The following ILF2 variants were observed in gnomAD, a reference collection of about 807,000 sequenced individuals.
The protein encoded by ILF2 is interleukin enhancer-binding factor 2.
In ILF2, 9 loss-of-function variants were observed where a neutral mutation model predicts 55.3. The ratio of observed to expected loss-of-function variants is 0.16; its 90% CI spans 0.10 to 0.28. The LOEUF is 0.28. Among genes scored for constraint, ILF2 ranks in the 10% least tolerant of loss-of-function variants. The pLI is 1.00. For missense variants in ILF2, 266 were observed against 474.9 expected (o/e 0.56, Z 4.09); for synonymous variants, 151 against 161.8 (o/e 0.93, Z 0.50).
chr1:153,665,134 G>C lies in ILF2; in HGVS notation c.577+86C>G. ...TTCCCAGGAAGCTGCATGTGGAATAGCAACAAGCTAAGTAAACTAAACAGC... is the reference window on the plus strand; with the variant it reads ...TTCCCAGGAAGCTGCATGTGGAATACCAACAAGCTAAGTAAACTAAACAGC... On this transcript the variant is annotated intron_variant, in intron 8 of 13. Transcript: ENST00000361891. The C allele has an allele frequency of 4.9e-6, 4 of 813,622 alleles. No homozygotes were observed. In the East Asian group the frequency reaches 9.8e-5, roughly 20 times the overall value. 50.4% of individuals were successfully genotyped at this position (813,622 alleles called of 1,614,324 possible). A position where few individuals can be genotyped will look rare whatever the true frequency, so the allele number is the denominator to read the frequency against.
rs771771108 is a variant in ILF2, at chr1:153,670,244, T to C, written c.6-14A>G. The C allele has an allele frequency of 6.2e-7, 1 of 1,613,258 alleles. No individual in the cohort carries two copies. The highest frequency in any genetic ancestry group is 1.1e-5 in the South Asian group (1 of 91,012). ...CCTCTGTCACCCCTAGAAATGCAGATTTTATTTTGACCTCATTGAAGGAAT... is the reference window on the plus strand; with the variant it reads ...CCTCTGTCACCCCTAGAAATGCAGACTTTATTTTGACCTCATTGAAGGAAT... On this transcript the variant is annotated splice_polypyrimidine_tract_variant and intron_variant, in intron 1 of 13. Transcript: ENST00000361891.
At chr1:153,667,054 G>A (rs1001470536) in intron 6 of ILF2, among the ~76,000 whole-genome samples, 1 of 152,188 alleles carries the variant, frequency 6.6e-6, no homozygotes, top group Non-Finnish European at 1.5e-5. Flanking sequence ...CCCAGGAGGT[G>A]GAGGTTGCAG....
chr1:153,667,756 T>A, intron 5 of ILF2, 99 bp from the exon 6 acceptor site: 1 of 837,686 alleles, frequency 1.2e-6, no homozygotes, highest in South Asian at 1.6e-5. Context: ...TTACCCAAAT[T>A]AAGAAGTAGC....
At position 153,662,634 on chromosome 1, in the gene ILF2, C is replaced by T. The variant is rs1019331585; in HGVS notation, c.1012+71G>A. ...ACTTACACTGTGGAAATATTAAAGA[C>T]ATTTAAGTAGTGTACAGCTTCTCTG... On this transcript the variant is annotated intron_variant, in intron 13 of 13. Coordinates refer to ENST00000361891, the MANE Select transcript of ILF2 (RefSeq NM_004515.4). 15 of 1,569,492 alleles carry T rather than the reference C, an allele frequency of 9.6e-6. No homozygotes were observed. In the African/African-American group the frequency reaches 1.9e-4, roughly 20 times the overall value.
In ILF2 at chr1:153,668,577, C is replaced by G. The variant is rs367871667; in HGVS notation, c.109-20G>C. The G allele has an allele frequency of 1.9e-6, 3 of 1,599,960 alleles. No individual in the cohort carries two copies. Among genetic ancestry groups the G allele is most frequent in the African/African-American group, 2.7e-5 (2 of 74,176 alleles). On this transcript the variant is annotated intron_variant, in intron 3 of 13. Transcript: ENST00000361891. ...TTCACACTAAACCAGAAGTAAACAA[C>G]TACATTCTATTTGCCGAAGATAATA...
chr1:153,670,352 T>A, intron 1 of ILF2, 122 bp from the exon 2 acceptor site: 2 of 887,642 alleles, frequency 2.3e-6, no homozygotes, highest in Non-Finnish European at 3.6e-6. Context: ...CACTCACACT[T>A]ACACTTGTCC....
At position 153,663,960 on chromosome 1, in the gene ILF2, T is replaced by C. The variant is rs1669241543; in HGVS notation, c.744+83A>G. ...AGACTCTGGTGAATTTCAGAGTTAC[T>C]ACTACTACTACTACTACTACTACTA... On this transcript the variant is annotated intron_variant, in intron 10 of 13. Transcript: ENST00000361891. 3 of 361,098 alleles carry C rather than the reference T, an allele frequency of 8.3e-6. No homozygotes were observed. The highest frequency in any genetic ancestry group is 4.9e-5 in the East Asian group (1 of 20,316). The allele number at this position is 361,098 out of a possible 1,614,324, so 22.4% of individuals were successfully genotyped here.
chr1:153,662,574 G>T lies in ILF2; in HGVS notation c.1013-18C>A. The T allele has an allele frequency of 6.2e-7, 1 of 1,610,414 alleles. No individual in the cohort carries two copies. The highest frequency in any genetic ancestry group is 1.1e-5 in the South Asian group (1 of 90,992). ...AGCAAGATCTAGGAAAGAGAAAAAG[G>T]TGATTTAGACGAGTAGCCCAGCATA... On this transcript the variant is annotated intron_variant, in intron 13 of 13. Coordinates refer to ENST00000361891, the MANE Select transcript of ILF2 (RefSeq NM_004515.4).
In ILF2 at chr1:153,670,210, C is replaced by T. The variant is rs751677067; in HGVS notation, c.26G>A (p.Arg9His). Reference sequence around the variant, plus strand: ...TCCTCTGGAACCAAAGCGCCCACCACGACCACGGCCTCTGTCACCCCTAGA... The same window carrying T: ...TCCTCTGGAACCAAAGCGCCCACCATGACCACGGCCTCTGTCACCCCTAGA... MRGDRGRG[R>H]GGRFGSRGGP... Residue 9 changes from arginine (R) to histidine (H), a missense_variant, in exon 2 of 14, where the codon CGT (arginine) becomes CAT (histidine). By Grantham distance (29) the Arg-to-His change is conservative. Transcript: ENST00000361891. The T allele has an allele frequency of 1.9e-6, 3 of 1,614,102 alleles. No homozygotes were observed. Among genetic ancestry groups the T allele is most frequent in the Non-Finnish European group, 2.5e-6 (3 of 1,180,022 alleles).
intron 6 of ILF2, 28 bp from the exon 7 acceptor site, chr1:153,665,756 A>T (rs375528177): frequency 6.4e-7 from 1 of 1,554,112 alleles, no homozygotes; most frequent in East Asian, 2.2e-5. Context: ...ACATAATGTT[A>T]TAATAATTTA....
intron 10 of ILF2, 30 bp from the exon 11 acceptor site, chr1:153,663,306 C>T (rs1557951259): frequency 6.2e-7 from 1 of 1,602,628 alleles, no homozygotes; most frequent in Admixed American, 1.7e-5. Flanking sequence ...GTAGGTGTGC[C>T]ATCAAAATGG....
intron 10 of ILF2, among the ~76,000 whole-genome samples, 190 bp from the exon 11 acceptor site, chr1:153,663,466 C>G (rs1669226719): frequency 1.3e-5 from 2 of 151,886 alleles, no homozygotes; most frequent in African/African-American, 4.8e-5. Flanking sequence ...GAAGCTAGGA[C>G]TATAAGTTCA....
chr1:153,662,692 A>G lies in ILF2; in HGVS notation c.1012+13T>C, dbSNP rs757388044. The G allele has an allele frequency of 4.2e-5, 67 of 1,610,804 alleles. No individual in the cohort carries two copies. The highest frequency in any genetic ancestry group is 1.5e-4 in the Admixed American group (9 of 59,972). On this transcript the variant is annotated intron_variant, in intron 13 of 13. Transcript: ENST00000361891. ...TTACAATACAAAACCCCTGACCCACAGTGGTCACTCACAGCTGGCATCACC... is the reference window on the plus strand; with the variant it reads ...TTACAATACAAAACCCCTGACCCACGGTGGTCACTCACAGCTGGCATCACC...
In ILF2 at chr1:153,665,317, G is replaced by A. The variant is rs371778008; in HGVS notation, c.480C>T (p.Asn160=). Reference sequence around the variant, plus strand: ...AAGAACTGATTTCAAAGCCAGTTTCGTTGGTCAGCATGGTTAAAACTGAAA... The same window carrying A: ...AAGAACTGATTTCAAAGCCAGTTTCATTGGTCAGCATGGTTAAAACTGAAA... ...DPSEVLTMLT[N]ETGFEISSSD... The change falls in exon 8 of 14, where the codon AAC becomes AAT. Residue 160 remains asparagine, a synonymous_variant. Coordinates refer to ENST00000361891, the MANE Select transcript of ILF2 (RefSeq NM_004515.4). 1.5e-5 allele frequency: 24 copies of A among 1,611,172 alleles called. No individual in the cohort carries two copies. The highest frequency in any genetic ancestry group is 1.2e-4 in the African/African-American group (9 of 74,982).
At chr1:153,670,848 T>A in intron 1 of ILF2, 70 bp downstream of exon 1, 2 of 1,594,570 alleles carry the variant, frequency 1.3e-6, no homozygotes, top group Non-Finnish European at 1.7e-6. Flanking sequence ...TACTCCGACT[T>A]CTTTCGGCCC....
chr1:153,667,215 C>G (rs149003136), intron 6 of ILF2: 1 of 411,448 alleles, frequency 2.4e-6, no homozygotes, highest in Non-Finnish European at 4.3e-6. Context: ...CAGTGGCTCA[C>G]GCCTGTAATC....
chr1:153,669,964 C>A, intron 2 of ILF2, 86 bp from the exon 3 acceptor site: 1 of 1,230,040 alleles, frequency 8.1e-7, no homozygotes, highest in South Asian at 1.2e-5. Flanking sequence ...GAAAACATGT[C>A]AGTCCTCAGA....
At position 153,667,676 on chromosome 1, in the gene ILF2, C is replaced by T. The variant is rs763912194; in HGVS notation, c.292-19G>A. The T allele has an allele frequency of 1.9e-4, 300 of 1,544,428 alleles. No homozygotes were observed. Among genetic ancestry groups the T allele is most frequent in the Middle Eastern group, 6.8e-4 (4 of 5,902 alleles). On this transcript the variant is annotated intron_variant, in intron 5 of 13. Coordinates refer to ENST00000361891, the MANE Select transcript of ILF2 (RefSeq NM_004515.4). ...CAATTTGCTGTTGGAAAAAGGATTT[C>T]GGGGAAAAACAATTTAGAAGAAAAA...
At chr1:153,665,158 G>A (rs1669275753) in intron 8 of ILF2, 62 bp downstream of exon 8, 5 of 954,346 alleles carry the variant, frequency 5.2e-6, no homozygotes, top group East Asian at 4.8e-5. Context: ...AAACTAAACA[G>A]CAACAATACC....
Sources: gnomAD v4.1 joint callset for allele counts (sites outside exome capture counted in the v4.1 genomes callset) on GRCh38, gnomAD v4.1.1 for gene constraint, MANE v1.5 for transcripts, NCBI Gene and HGNC (gene_info 2026-07-23, HGNC 2026-07-21) for gene names.